Variants in SLC6A15 observed in about 807,000 individuals in gnomAD.
SLC6A15 encodes the protein sodium-dependent neutral amino acid transporter B(0)AT2.
A neutral mutation model predicts 68.5 loss-of-function variants in SLC6A15; 33 were observed. The ratio of observed to expected loss-of-function variants is 0.48; its 90% CI spans 0.37 to 0.64. SLC6A15 has a LOEUF of 0.64. SLC6A15 is among the 30% of genes least tolerant of loss of function. SLC6A15 has a pLI of 0.00. For missense variants in SLC6A15, 747 were observed against 874.3 expected (o/e 0.85, Z 1.84); for synonymous variants, 347 against 301.0 (o/e 1.15, Z -1.58).
intron 2 of SLC6A15, 25 bp from the exon 3 acceptor site, chr12:84,886,093 GATTAT>G: frequency 6.7e-7 from 1 of 1,488,774 alleles, no homozygotes; most frequent in Non-Finnish European, 9.3e-7. Flanking sequence ...ACAAAAAATA[GATTAT>G]ATTTTCAATA....
intron 2 of SLC6A15, among the ~76,000 whole-genome samples, chr12:84,889,497 AAAAAATAAAAATAAAAAT>A (rs534377256): frequency 2.7e-5 from 4 of 146,956 alleles, no homozygotes; most frequent in African/African-American, 5.1e-5. Context: ...CGGTCTCAGA[AAAAAATAAAAATAAAAAT>A]AAAAATAAAA....
intron 5 of SLC6A15, chr12:84,881,461 A>G (rs1047325125): frequency 4.4e-5 from 43 of 985,300 alleles, no homozygotes; most frequent in Non-Finnish European, 5.1e-5. Context: ...ATTTCTCATA[A>G]TAAAAAGGAA....
intron 9 of SLC6A15, among the ~76,000 whole-genome samples, chr12:84,868,496 A>C (rs1264965843): frequency 6.6e-6 from 1 of 152,116 alleles, no homozygotes; most frequent in Admixed American, 6.6e-5. Flanking sequence ...ACTATCTCCT[A>C]ATTACACCCC....
chr12:84,908,326 T>G (rs534853168), intron 1 of SLC6A15, among the ~76,000 whole-genome samples: 1 of 151,910 alleles, frequency 6.6e-6, no homozygotes, highest in Non-Finnish European at 1.5e-5. Context: ...CTTTATTGAA[T>G]CAAGTACTAA....
intron 5 of SLC6A15, chr12:84,881,989 A>G: frequency 1.0e-6 from 1 of 980,624 alleles, no homozygotes; most frequent in Non-Finnish European, 1.2e-6. Flanking sequence ...TTAAAATAAT[A>G]AATGTATGTA....
chr12:84,872,997 A>C, intron 7 of SLC6A15, 90 bp downstream of exon 7: 1 of 1,447,068 alleles, frequency 6.9e-7, no homozygotes, highest in African/African-American at 1.4e-5. Flanking sequence ...CATGTATCTC[A>C]TAAATATGTA....
At position 84,906,316 on chromosome 12, in the gene SLC6A15, G is replaced by A. The variant is rs1873152607; in HGVS notation, c.-189+6207C>T. Among the ~76,000 whole-genome samples, 3 of 151,078 alleles carry A rather than the reference G, an allele frequency of 2.0e-5. No individual in the cohort carries two copies. The South Asian group carries it at 6.2e-4, about 31-fold the overall frequency. ...AAGATCTAAATGTATGGGAAGACATGCCATGTTCATGGATTAGAAAACTCA... is the reference window on the plus strand; with the variant it reads ...AAGATCTAAATGTATGGGAAGACATACCATGTTCATGGATTAGAAAACTCA... On this transcript the variant is annotated intron_variant, in intron 1 of 11. Transcript: ENST00000266682.
At chr12:84,881,418 T>C in intron 5 of SLC6A15, 1 of 981,672 alleles carries the variant, frequency 1.0e-6, no homozygotes, top group Non-Finnish European at 1.2e-6. Context: ...TCTTTTGGTT[T>C]AACTATTTGA....
At chr12:84,875,797 T>C (rs1199853949) in intron 6 of SLC6A15, among the ~76,000 whole-genome samples, 39 of 149,956 alleles carry the variant, frequency 2.6e-4, no homozygotes, top group African/African-American at 9.5e-4. Flanking sequence ...CCGTTGAGTT[T>C]AGCTCTACAA....
At chr12:84,874,174 G>A (rs1871411332) in intron 6 of SLC6A15, among the ~76,000 whole-genome samples, 1 of 152,094 alleles carries the variant, frequency 6.6e-6, no homozygotes, top group African/African-American at 2.4e-5. Flanking sequence ...ACATGACTAA[G>A]AACACGAATT....
At chr12:84,891,762 T>C in intron 2 of SLC6A15, 70 bp downstream of exon 2, 2 of 1,394,536 alleles carry the variant, frequency 1.4e-6, no homozygotes, top group South Asian at 2.8e-5. Context: ...GAAACAGCAA[T>C]AATAGGAGCT....
chr12:84,873,394 G>A, intron 6 of SLC6A15, 66 bp from the exon 7 acceptor site: 7 of 1,551,778 alleles, frequency 4.5e-6, no homozygotes, highest in Non-Finnish European at 6.1e-6. Context: ...AATTTTTATG[G>A]AATTTACTGT....
At chr12:84,877,601 T>C (rs1055432643) in intron 5 of SLC6A15, among the ~76,000 whole-genome samples, 8 of 152,164 alleles carry the variant, frequency 5.3e-5, no homozygotes, top group African/African-American at 1.9e-4. Flanking sequence ...GGGCGGCACC[T>C]TCCTTCAGAA....
intron 10 of SLC6A15, among the ~76,000 whole-genome samples, chr12:84,865,547 G>A (rs148315642): frequency 2.2e-4 from 33 of 152,272 alleles, no homozygotes; most frequent in Admixed American, 5.9e-4. Context: ...GTATAATGAC[G>A]TGTGTCCACC....
At chr12:84,891,605 T>A (rs1226086458) in intron 2 of SLC6A15, among the ~76,000 whole-genome samples, 1 of 152,170 alleles carries the variant, frequency 6.6e-6, no homozygotes, top group Non-Finnish European at 1.5e-5. Flanking sequence ...GTTGAGAATG[T>A]GTTACCCTTA....
chr12:84,883,615 T>A, intron 5 of SLC6A15: 1 of 1,405,050 alleles, frequency 7.1e-7, no homozygotes, highest in African/African-American at 1.4e-5. Context: ...ACAAAAATTT[T>A]AAAGATCTTG....
Position 84,861,804 on chromosome 12 carries a change from G to C in SLC6A15, c.2021C>G (p.Thr674Arg). The stretch of plus-strand genomic sequence containing the variant: ...CGGTATTTTTCCGTGAATGAGGCTT[G>C]TATCATCGCCCTCTAAGTTCACAGG... ...KEPVNLEGDD[T>R]SLIHGKIPSE... Residue 674 changes from threonine (T) to arginine (R), a missense_variant, in exon 12 of 12, where the codon ACA becomes AGA. By Grantham distance (71) the Thr-to-Arg change is moderately conservative. Coordinates refer to ENST00000266682, the MANE Select transcript of SLC6A15 (RefSeq NM_182767.6). 2 of 1,614,000 alleles carry C rather than the reference G, an allele frequency of 1.2e-6. No homozygotes were observed. Among genetic ancestry groups the C allele is most frequent in the Non-Finnish European group, 1.7e-6 (2 of 1,179,952 alleles).
intron 5 of SLC6A15, among the ~76,000 whole-genome samples, chr12:84,879,333 CT>C (rs11338196): frequency 0.51 from 76,224 of 150,712 alleles, 22,843 homozygotes; most frequent in African/African-American, 0.8. Context: ...CACACACTTT[CT>C]TTTTTTTTGG....
At chr12:84,899,365 G>C (rs149605149) in intron 1 of SLC6A15, among the ~76,000 whole-genome samples, 119 of 152,282 alleles carry the variant, frequency 7.8e-4, no homozygotes, top group African/African-American at 2.7e-3. Flanking sequence ...TTCAGCATTT[G>C]CTTAGTTTCC....
Sources: allele counts gnomAD v4.1 joint callset (sites outside exome capture counted in the v4.1 genomes callset), GRCh38; gene constraint gnomAD v4.1.1; transcripts MANE v1.5; gene names NCBI Gene and HGNC (gene_info 2026-07-23, HGNC 2026-07-21).